Variants in TRPM3 observed in about 807,000 individuals in gnomAD.
The protein encoded by TRPM3 is transient receptor potential cation channel subfamily M member 3.
Under a neutral mutation model 181.2 loss-of-function variants are expected in TRPM3, and 77 were observed. That is an observed-to-expected ratio of 0.42 (90% CI 0.35 to 0.51). The LOEUF (loss-of-function observed/expected upper bound fraction) is 0.51, where lower values mean the gene tolerates loss of function less well. Ranked by LOEUF, TRPM3 falls within the 20% of genes least tolerant of loss-of-function variation. The probability of loss-of-function intolerance (pLI) is 0.01; values close to 1 mark genes in which losing one functional copy is unlikely to be tolerated. For synonymous variants in TRPM3, 745 were observed against 796.4 expected (o/e 0.94, Z 1.09); for missense variants, 1,759 against 2,196.7 (o/e 0.80, Z 3.98).
chr9:70,915,464 AT>A lies in TRPM3; in HGVS notation c.178-50954del, dbSNP rs766229481. The stretch of plus-strand genomic sequence containing the variant: ...AGGCGCCCACCACCATGCCCGGCTA[AT>A]TTTTTTTTTTTTTTTATTTTTAGTA... On this transcript the variant is annotated intron_variant, in intron 1 of 25. Coordinates refer to ENST00000677713, the MANE Select transcript of TRPM3 (RefSeq NM_001366145.2). Among the ~76,000 whole-genome samples, 882 of 141,456 alleles carry A rather than the reference AT, an allele frequency of 6.2e-3. 12 individuals are homozygous for A. Among genetic ancestry groups the A allele is most frequent in the East Asian group, 0.017 (80 of 4,844 alleles). The allele number at this position is 141,456 out of a possible 152,430, so 92.8% of individuals were successfully genotyped here.
intron 5 of TRPM3, among the ~76,000 whole-genome samples, chr9:70,835,372 T>C (rs1457660378): frequency 6.6e-6 from 1 of 152,190 alleles, no homozygotes; most frequent in Admixed American, 6.6e-5. Flanking sequence ...CATTATTATC[T>C]TCTTGCTTCT....
intron 1 of TRPM3, chr9:70,917,308 T>C (rs2096607173): frequency 7.7e-7 from 1 of 1,305,068 alleles, no homozygotes; most frequent in Non-Finnish European, 1.1e-6. Flanking sequence ...ATATTATTAA[T>C]GGAGTTTCAT....
exon 1 of TRPM3, chr9:71,446,787 C>G (rs1274074646): frequency 1.9e-6 from 3 of 1,550,198 alleles, no homozygotes; most frequent in East Asian, 2.4e-5. Context: ...TCCTCGCGGT[C>G]GGAGCAGCCC....
chr9:70,934,871 C>G (rs558381881), intron 1 of TRPM3, among the ~76,000 whole-genome samples: 69 of 151,908 alleles, frequency 4.5e-4, no homozygotes, highest in Admixed American at 8.5e-4. Context: ...CCTCCTCCCC[C>G]CAAAAAAAAT....
At chr9:71,344,987 A>G (rs552878118) in intron 1 of TRPM3, among the ~76,000 whole-genome samples, 91 of 152,344 alleles carry the variant, frequency 6.0e-4, no homozygotes, top group African/African-American at 2.1e-3. Context: ...CAAACATGAA[A>G]AAAGCTCATC....
intron 22 of TRPM3, among the ~76,000 whole-genome samples, chr9:70,576,123 A>C (rs2053864506): frequency 6.6e-6 from 1 of 152,146 alleles, no homozygotes; most frequent in South Asian, 2.1e-4. Context: ...GAATCTCCTC[A>C]TGGGCGGTAC....
At chr9:70,816,667 T>C (rs2092719428) in intron 6 of TRPM3, among the ~76,000 whole-genome samples, 1 of 152,238 alleles carries the variant, frequency 6.6e-6, no homozygotes, top group East Asian at 1.9e-4. Context: ...AACACTTCTA[T>C]TTATTTTTAA....
chr9:70,882,088 CAACTT>C (rs1246955809), intron 1 of TRPM3, among the ~76,000 whole-genome samples: 3 of 152,154 alleles, frequency 2.0e-5, no homozygotes, highest in African/African-American at 7.2e-5. Context: ...AGAGTCAACT[CAACTT>C]ATTAAAGGGA....
chr9:70,570,281 G>A (rs1373965280), intron 22 of TRPM3, among the ~76,000 whole-genome samples: 1 of 132,874 alleles, frequency 7.5e-6, no homozygotes, highest in East Asian at 2.3e-4. Context: ...CATTATTAAA[G>A]TTTTGGGTCA....
At chr9:70,601,184 T>C (rs1033736527) in intron 20 of TRPM3, among the ~76,000 whole-genome samples, 2 of 152,114 alleles carry the variant, frequency 1.3e-5, no homozygotes, top group African/African-American at 4.8e-5. Context: ...TGGGACGTCA[T>C]CATAGTCACG....
intron 1 of TRPM3, among the ~76,000 whole-genome samples, chr9:70,967,948 T>C (rs1353869251): frequency 6.6e-6 from 1 of 152,160 alleles, no homozygotes; most frequent in Non-Finnish European, 1.5e-5. Context: ...TAGATGAGAA[T>C]TGTGAGACTG....
At chr9:70,831,072 A>G (rs536939664) in intron 5 of TRPM3, among the ~76,000 whole-genome samples, 10 of 152,194 alleles carry the variant, frequency 6.6e-5, no homozygotes, top group Non-Finnish European at 1.5e-4. Flanking sequence ...CCAGGCATCT[A>G]AGAGGGTGAT....
At chr9:71,242,318 G>C (rs1014290338) in intron 1 of TRPM3, among the ~76,000 whole-genome samples, 2 of 152,136 alleles carry the variant, frequency 1.3e-5, no homozygotes, top group Admixed American at 6.6e-5. Context: ...CCATGAAATA[G>C]TCAGTTAACT....
chr9:70,569,954 G>A (rs2051745454), intron 22 of TRPM3, among the ~76,000 whole-genome samples: 1 of 152,088 alleles, frequency 6.6e-6, no homozygotes, highest in Non-Finnish European at 1.5e-5. Context: ...TCCATGGAAT[G>A]GACTCCAACT....
chr9:70,998,945 C>G (rs548413341), intron 1 of TRPM3, among the ~76,000 whole-genome samples: 9 of 152,202 alleles, frequency 5.9e-5, no homozygotes, highest in Non-Finnish European at 1.2e-4. Flanking sequence ...CATCCCTCCT[C>G]TATACAAGGC....
chr9:71,387,706 T>C (rs2092958764), intron 1 of TRPM3, among the ~76,000 whole-genome samples: 1 of 152,264 alleles, frequency 6.6e-6, no homozygotes, highest in African/African-American at 2.4e-5. Flanking sequence ...GCATTCACAA[T>C]GCCTAACATA....
chr9:71,046,099 C>G (rs2059402058), intron 1 of TRPM3, among the ~76,000 whole-genome samples: 1 of 151,594 alleles, frequency 6.6e-6, no homozygotes, highest in Non-Finnish European at 1.5e-5. Context: ...TCAAGCAATT[C>G]TCTGCCTCAG....
chr9:70,913,849 G>A (rs2133183069), intron 1 of TRPM3, among the ~76,000 whole-genome samples: 1 of 152,210 alleles, frequency 6.6e-6, no homozygotes, highest in East Asian at 1.9e-4. Context: ...TAAGCATACA[G>A]GTTCTTCCTT....
chr9:70,621,387 C>CCTTGTCTCAATA, intron 14 of TRPM3, 114 bp from the exon 15 acceptor site: 3 of 662,362 alleles, frequency 4.5e-6, no homozygotes, highest in Non-Finnish European at 6.9e-6. Context: ...TTTATTGAGA[C>CCTTGTCTCAATA]AAGGTCTCAC....
Sources: gnomAD v4.1 joint callset for allele counts (sites outside exome capture counted in the v4.1 genomes callset) on GRCh38, gnomAD v4.1.1 for gene constraint, MANE v1.5 for transcripts, NCBI Gene and HGNC (gene_info 2026-07-23, HGNC 2026-07-21) for gene names.